ABTB2: variants seen among roughly 807,000 people sequenced by gnomAD.
The protein encoded by ABTB2 is ankyrin repeat and BTB/POZ domain-containing protein 2.
ABTB2 carries 56 observed loss-of-function variants against 104.1 expected under a neutral mutation model. The observed-to-expected ratio is 0.54, with a 90% confidence interval of 0.43 to 0.67. The LOEUF is 0.67. Among genes scored for constraint, ABTB2 ranks in the 30% least tolerant of loss-of-function variants. The pLI, the probability that ABTB2 is intolerant of heterozygous loss-of-function variation, is 0.00. For synonymous variants in ABTB2, 606 were observed against 608.2 expected, an observed-to-expected ratio of 1.00 and a Z score of 0.05; for missense variants, 1,279 against 1,407.7, an observed-to-expected ratio of 0.91 and a Z score of 1.46.
intron 3 of ABTB2, among the ~76,000 whole-genome samples, chr11:34,190,088 A>C (rs998762326): frequency 4.6e-5 from 7 of 152,150 alleles, no homozygotes; most frequent in African/African-American, 1.7e-4. Context: ...AAAAATACAA[A>C]AATTAGCCAG....
chr11:34,224,047 T>C (rs1590221624), intron 1 of ABTB2, among the ~76,000 whole-genome samples: 2 of 152,260 alleles, frequency 1.3e-5, no homozygotes, highest in Middle Eastern at 6.8e-3. Flanking sequence ...TTTTTGTTAA[T>C]TTTGAGACAG....
intron 1 of ABTB2, chr11:34,335,859 T>C (rs954854845): frequency 2.4e-5 from 28 of 1,148,446 alleles, no homozygotes; most frequent in Non-Finnish European, 3.6e-5. Context: ...AGCATATATC[T>C]GGAGGTAGAG....
At chr11:34,343,632 A>AC in intron 1 of ABTB2, among the ~76,000 whole-genome samples, 1 of 134,686 alleles carries the variant, frequency 7.4e-6, no homozygotes, top group Admixed American at 7.3e-5. Context: ...CTGCCACCAC[A>AC]CCGCCTCATT....
chr11:34,203,370 A>T (rs1853367982), intron 2 of ABTB2, among the ~76,000 whole-genome samples: 1 of 152,234 alleles, frequency 6.6e-6, no homozygotes, highest in African/African-American at 2.4e-5. Context: ...AAGTAAAACC[A>T]AGGTGCTCTC....
chr11:34,255,025 C>T (rs908957697), intron 1 of ABTB2, among the ~76,000 whole-genome samples: 4 of 152,012 alleles, frequency 2.6e-5, no homozygotes, highest in Non-Finnish European at 5.9e-5. Context: ...GGTACTATAC[C>T]GGACAACAAA....
chr11:34,315,322 G>C (rs1392540654), intron 1 of ABTB2, among the ~76,000 whole-genome samples: 1 of 152,180 alleles, frequency 6.6e-6, no homozygotes, highest in African/African-American at 2.4e-5. Context: ...AGGCTGACTG[G>C]TTTCAGCTGA....
chr11:34,305,099 C>G (rs1337165941), intron 1 of ABTB2, among the ~76,000 whole-genome samples: 2 of 152,222 alleles, frequency 1.3e-5, no homozygotes, highest in African/African-American at 4.8e-5. Context: ...TCAGGGCACA[C>G]ATCTCAGGCT....
At chr11:34,237,344 C>T (rs1400715933) in intron 1 of ABTB2, among the ~76,000 whole-genome samples, 2 of 145,048 alleles carry the variant, frequency 1.4e-5, no homozygotes, top group Non-Finnish European at 3.0e-5. Flanking sequence ...GTGGCGCCAT[C>T]TCAGCTCACT....
chr11:34,172,904 C>T (rs1852903608), intron 4 of ABTB2, among the ~76,000 whole-genome samples: 1 of 152,230 alleles, frequency 6.6e-6, no homozygotes, highest in Non-Finnish European at 1.5e-5. Context: ...GCCCCAGTCC[C>T]AATGTGTGTC....
chr11:34,305,240 A>C (rs914972464), intron 1 of ABTB2, among the ~76,000 whole-genome samples: 2 of 152,236 alleles, frequency 1.3e-5, no homozygotes, highest in Non-Finnish European at 2.9e-5. Flanking sequence ...CATGCCTGAG[A>C]GACCTTGTGC....
At chr11:34,341,098 T>C (rs1855256849) in intron 1 of ABTB2, among the ~76,000 whole-genome samples, 1 of 152,188 alleles carries the variant, frequency 6.6e-6, no homozygotes, top group South Asian at 2.1e-4. Context: ...GGTAAAACAT[T>C]GTAACACATC....
chr11:34,159,250 G>A, intron 14 of ABTB2, 46 bp downstream of exon 14: 1 of 1,490,244 alleles, frequency 6.7e-7, no homozygotes, highest in African/African-American at 1.4e-5. Context: ...GGCTCCTGGG[G>A]GAGGGTCATC....
intron 1 of ABTB2, among the ~76,000 whole-genome samples, chr11:34,226,869 C>G (rs970688304): frequency 1.3e-5 from 2 of 151,942 alleles, no homozygotes; most frequent in Non-Finnish European, 2.9e-5. Flanking sequence ...AGTTGGTGAC[C>G]AGGCTGGCCA....
rs530539210 is a variant in ABTB2 at position 34,357,062 on chromosome 11, G to A, written c.522C>T (p.Cys174=). Residue 174 remains cysteine (C), a synonymous_variant, in exon 1 of 17, where the codon TGC becomes TGT. Transcript: ENST00000435224. ...LVHSWALAES[C]ALAAVKALSL... is the part of the protein sequence containing the mutation. ...ACAGCGCCTTGACGGCTGCCAGCGC[G>A]CAGCTCTCGGCCAGCGCCCAGCTGT... The A allele has an allele frequency of 1.3e-6, 2 of 1,524,384 alleles. No homozygotes were observed. The highest frequency in any genetic ancestry group is 1.4e-5 in the African/African-American group (1 of 72,692). 94.4% of individuals were successfully genotyped at this position (1,524,384 alleles called of 1,614,324 possible). A position where few individuals can be genotyped will look rare whatever the true frequency, so the allele number is the denominator to read the frequency against.
intron 1 of ABTB2, among the ~76,000 whole-genome samples, chr11:34,249,026 G>A (rs916341309): frequency 4.6e-5 from 7 of 152,378 alleles, no homozygotes; most frequent in Admixed American, 3.3e-4. Context: ...CTACTCAGGA[G>A]GCTGAGGCAA....
intron 7 of ABTB2, among the ~76,000 whole-genome samples, chr11:34,166,644 G>A (rs563276864): frequency 1.3e-5 from 2 of 152,360 alleles, no homozygotes; most frequent in South Asian, 2.1e-4. Flanking sequence ...GCATGCCAGC[G>A]ATCTGAGGAC....
intron 3 of ABTB2, among the ~76,000 whole-genome samples, chr11:34,183,690 G>A (rs1429293862): frequency 6.6e-6 from 1 of 152,114 alleles, no homozygotes; most frequent in Non-Finnish European, 1.5e-5. Flanking sequence ...GGTTTTGTAC[G>A]GTCTCTCCTC....
intron 3 of ABTB2, among the ~76,000 whole-genome samples, chr11:34,195,369 A>G (rs12291795): frequency 0.13 from 20,335 of 152,214 alleles, 2,246 homozygotes; most frequent in East Asian, 0.33. Context: ...CTTAGGGCCT[A>G]TGCTTTGGCC....
rs535086560 is a variant in ABTB2 at position 34,334,179 on chromosome 11, T to C, written c.883+22522A>G. On this transcript the variant is annotated intron_variant, in intron 1 of 16. Coordinates refer to ENST00000435224, the MANE Select transcript of ABTB2 (RefSeq NM_145804.3). ...CTGGCTAACATGAATGCTCCTAAGG[T>C]GACTCTAATGAAAGCCTTTACATCT... 3.3e-5 allele frequency among the ~76,000 whole-genome samples: 5 copies of C among 152,210 alleles called. No individual in the cohort carries two copies. The South Asian group carries it at 1.0e-3, about 32-fold the overall frequency.
Sources: gnomAD v4.1 joint callset for allele counts (sites outside exome capture counted in the v4.1 genomes callset) on GRCh38, gnomAD v4.1.1 for gene constraint, MANE v1.5 for transcripts, NCBI Gene and HGNC (gene_info 2026-07-23, HGNC 2026-07-21) for gene names.